Variants in PALLD observed in about 807,000 individuals in gnomAD.
The protein encoded by PALLD is palladin.
Under a neutral mutation model 123.5 loss-of-function variants are expected in PALLD, and 61 were observed. That is an observed-to-expected ratio of 0.49 (90% CI 0.40 to 0.61). The LOEUF (loss-of-function observed/expected upper bound fraction) is 0.61, where lower values mean the gene tolerates loss of function less well. PALLD is among the 20% of genes least tolerant of loss of function. PALLD has a pLI of 0.00. For synonymous variants in PALLD, 465 were observed against 496.4 expected (o/e 0.94, Z 0.84); for missense variants, 1,273 against 1,377.0 (o/e 0.92, Z 1.20).
intron 7 of PALLD, 39 bp downstream of exon 7, chr4:168,690,783 T>C (rs1349823409): frequency 6.2e-7 from 1 of 1,607,500 alleles, no homozygotes; most frequent in Non-Finnish European, 8.5e-7. Context: ...CTGACCATTT[T>C]ATTCTCTCCA....
chr4:168,567,266 A>G (rs375260548), intron 2 of PALLD, among the ~76,000 whole-genome samples: 1 of 152,164 alleles, frequency 6.6e-6, no homozygotes, highest in Admixed American at 6.6e-5. Flanking sequence ...ATATTAGCAG[A>G]CTAGGCATCT....
intron 8 of PALLD, among the ~76,000 whole-genome samples, chr4:168,706,978 GTTTAA>G (rs1422423414): frequency 1.3e-5 from 2 of 152,258 alleles, no homozygotes; most frequent in Middle Eastern, 6.8e-3. Flanking sequence ...TATACTTAGT[GTTTAA>G]TTTATTTACT....
At chr4:168,527,437 A>AAAC (rs1215334969) in intron 2 of PALLD, among the ~76,000 whole-genome samples, 3 of 150,682 alleles carry the variant, frequency 2.0e-5, no homozygotes, top group African/African-American at 4.9e-5. Flanking sequence ...AAAAAAAAAA[A>AAAC]AAAAAAAGTC....
At chr4:168,816,557 G>C (rs2150769803) in intron 10 of PALLD, among the ~76,000 whole-genome samples, 2 of 151,948 alleles carry the variant, frequency 1.3e-5, no homozygotes, top group South Asian at 4.2e-4. Context: ...TAATTAAGCA[G>C]CCTGGAGTTT....
intron 2 of PALLD, among the ~76,000 whole-genome samples, chr4:168,591,340 G>A (rs1411774873): frequency 2.0e-5 from 3 of 152,146 alleles, no homozygotes; most frequent in African/African-American, 4.8e-5. Flanking sequence ...ATAGTCAGGC[G>A]ATGGGTTCAA....
At chr4:168,720,662 C>T (rs1561446094) in intron 10 of PALLD, among the ~76,000 whole-genome samples, 1 of 152,162 alleles carries the variant, frequency 6.6e-6, no homozygotes, top group Non-Finnish European at 1.5e-5. Flanking sequence ...TTGCATTTCT[C>T]TTCCTCCTTT....
At position 168,638,297 on chromosome 4, in the gene PALLD, C is replaced by T. The variant is rs149155937; in HGVS notation, c.909-29893C>T. 3.4e-4 allele frequency among the ~76,000 whole-genome samples: 52 copies of T among 152,260 alleles called. No homozygotes were observed. In the East Asian group the frequency reaches 8.9e-3, roughly 26 times the overall value. ...TGGCTACTAAGTAACAGAGACAAAGCGGAAACCAAGGCTGTCTCAAGGCAA... is the reference window on the plus strand; with the variant it reads ...TGGCTACTAAGTAACAGAGACAAAGTGGAAACCAAGGCTGTCTCAAGGCAA... On this transcript the variant is annotated intron_variant, in intron 2 of 21. Coordinates refer to ENST00000505667, the MANE Select transcript of PALLD (RefSeq NM_001166108.2).
chr4:168,651,554 A>G (rs556003177), intron 2 of PALLD, among the ~76,000 whole-genome samples: 1 of 152,276 alleles, frequency 6.6e-6, no homozygotes, highest in East Asian at 1.9e-4. Flanking sequence ...ACCAATTAAA[A>G]CAGAATCTCT....
chr4:168,817,716 T>A (rs1259118718), intron 10 of PALLD, among the ~76,000 whole-genome samples: 2 of 152,186 alleles, frequency 1.3e-5, no homozygotes, highest in Non-Finnish European at 2.9e-5. Context: ...TGAAACAACC[T>A]TTTTTTGTCC....
intron 10 of PALLD, among the ~76,000 whole-genome samples, chr4:168,778,147 G>A (rs1735429362): frequency 6.6e-6 from 1 of 152,144 alleles, no homozygotes; most frequent in South Asian, 2.1e-4. Flanking sequence ...TTTCTTTCCT[G>A]AATTTTTTTT....
chr4:168,719,802 C>T (rs1336374006), intron 10 of PALLD, among the ~76,000 whole-genome samples: 1 of 152,140 alleles, frequency 6.6e-6, no homozygotes, highest in Admixed American at 6.5e-5. Context: ...TGTTGTTAAG[C>T]TGTCACTTCT....
chr4:168,839,792 G>A (rs1300770728), intron 10 of PALLD, among the ~76,000 whole-genome samples: 1 of 152,148 alleles, frequency 6.6e-6, no homozygotes, highest in Non-Finnish European at 1.5e-5. Flanking sequence ...CATGATTTGG[G>A]AATTATCACC....
chr4:168,711,710 T>C lies in PALLD; in HGVS notation c.1751T>C (p.Ile584Thr). 6.2e-7 allele frequency: 1 copy of C among 1,614,068 alleles called. No homozygotes were observed. The highest frequency in any genetic ancestry group is 8.5e-7 in the Non-Finnish European group (1 of 1,179,990). Reference sequence around the variant, plus strand: ...TTGGCTTCAAAGAAACCATCTGAGATCCAGCAGGTGAACAACCCTGAGTTA... The same window carrying C: ...TTGGCTTCAAAGAAACCATCTGAGACCCAGCAGGTGAACAACCCTGAGTTA... The part of the protein sequence containing the change: ...LELASKKPSE[I>T]QQVNNPELGL... The change falls in exon 10 of 22, where the codon ATC becomes ACC. Residue 584 changes from isoleucine (I) to threonine (T), a missense_variant. Ile to Thr is a moderately conservative substitution (Grantham distance 89, BLOSUM62 -1). Transcript: ENST00000505667.
intron 2 of PALLD, among the ~76,000 whole-genome samples, chr4:168,595,266 T>C (rs1282438258): frequency 6.6e-6 from 1 of 152,200 alleles, no homozygotes; most frequent in African/African-American, 2.4e-5. Flanking sequence ...AATTAAATAC[T>C]GGGCTATTTT....
At chr4:168,900,930 T>G (rs1756378214) in intron 14 of PALLD, among the ~76,000 whole-genome samples, 4 of 152,236 alleles carry the variant, frequency 2.6e-5, no homozygotes, top group African/African-American at 9.6e-5. Context: ...ACACAAGGCT[T>G]AAGATCACTG....
intron 10 of PALLD, among the ~76,000 whole-genome samples, chr4:168,738,828 A>G (rs981894799): frequency 3.3e-5 from 5 of 151,840 alleles, no homozygotes; most frequent in African/African-American, 1.2e-4. Context: ...AATACCTAGC[A>G]TATCAAAAAT....
chr4:168,718,777 A>T (rs13131762), intron 10 of PALLD, among the ~76,000 whole-genome samples: 71,821 of 152,034 alleles, frequency 0.47, 17,165 homozygotes, highest in African/African-American at 0.53. Flanking sequence ...GTTCTGCACC[A>T]TGCCTTTTCT....
intron 2 of PALLD, among the ~76,000 whole-genome samples, chr4:168,630,319 A>C (rs1580666253): frequency 6.6e-6 from 1 of 152,196 alleles, no homozygotes; most frequent in East Asian, 1.9e-4. Flanking sequence ...AATAAATAAA[A>C]AGATCTAATG....
At chr4:168,864,388 G>C (rs1162238193) in intron 10 of PALLD, 1 of 152,202 alleles carries the variant, frequency 6.6e-6, no homozygotes, top group Non-Finnish European at 1.5e-5. Context: ...GTCATCACTT[G>C]AGAGGCTAAG....
Sources: gnomAD v4.1 joint callset for allele counts (sites outside exome capture counted in the v4.1 genomes callset) on GRCh38, gnomAD v4.1.1 for gene constraint, MANE v1.5 for transcripts, NCBI Gene and HGNC (gene_info 2026-07-23, HGNC 2026-07-21) for gene names.